FOXO3: variants seen among roughly 807,000 people sequenced by gnomAD.
The protein encoded by FOXO3 is forkhead box O3.
FOXO3 carries 4 observed loss-of-function variants against 41.9 expected under a neutral mutation model. That is an observed-to-expected ratio of 0.10 (90% CI 0.05 to 0.22). The LOEUF (loss-of-function observed/expected upper bound fraction) is 0.22, where lower values mean the gene tolerates loss of function less well. Ranked by LOEUF, FOXO3 falls within the 10% of genes least tolerant of loss-of-function variation. FOXO3 has a pLI of 1.00. For synonymous variants in FOXO3, 318 were observed against 389.3 expected, an observed-to-expected ratio of 0.82 and a Z score of 2.16; for missense variants, 534 against 906.8, an observed-to-expected ratio of 0.59 and a Z score of 5.28.
At chr6:108,580,315 A>G (rs997379769) in intron 1 of FOXO3, among the ~76,000 whole-genome samples, 1 of 150,662 alleles carries the variant, frequency 6.6e-6, no homozygotes, top group Non-Finnish European at 1.5e-5. Flanking sequence ...CAGGCTCCCA[A>G]GTAGCTGGGA....
intron 1 of FOXO3, among the ~76,000 whole-genome samples, chr6:108,594,134 C>A (rs1776809204): frequency 1.3e-5 from 2 of 152,244 alleles, no homozygotes; most frequent in Admixed American, 1.3e-4. Flanking sequence ...TGCTGATATT[C>A]TTTTTCCTGT....
intron 1 of FOXO3, among the ~76,000 whole-genome samples, chr6:108,584,083 T>C (rs1341299496): frequency 2.6e-5 from 4 of 152,196 alleles, no homozygotes; most frequent in Admixed American, 2.0e-4. Flanking sequence ...GTCACAGCCA[T>C]GGTTATTCAT....
intron 1 of FOXO3, among the ~76,000 whole-genome samples, chr6:108,599,673 T>C (rs1776988978): frequency 6.6e-6 from 1 of 152,156 alleles, no homozygotes; most frequent in Admixed American, 6.5e-5. Flanking sequence ...TAAGAAAAAA[T>C]CTTAGTTATT....
chr6:108,590,166 T>C (rs1341207817), intron 1 of FOXO3, among the ~76,000 whole-genome samples: 1 of 151,898 alleles, frequency 6.6e-6, no homozygotes, highest in Non-Finnish European at 1.5e-5. Flanking sequence ...GGCTTTACTC[T>C]GTCATGCAGG....
chr6:108,633,370 G>C (rs1469864373), intron 1 of FOXO3, among the ~76,000 whole-genome samples: 3 of 151,862 alleles, frequency 2.0e-5, no homozygotes, highest in Non-Finnish European at 4.4e-5. Flanking sequence ...AAATAGAAGA[G>C]AAGGATTTGT....
intron 1 of FOXO3, among the ~76,000 whole-genome samples, chr6:108,619,008 A>G (rs1332327284): frequency 6.6e-6 from 1 of 152,086 alleles, no homozygotes; most frequent in Non-Finnish European, 1.5e-5. Flanking sequence ...GGCTTGTCTC[A>G]TATGTTTCAC....
chr6:108,674,524 A>T (rs2128391540), intron 2 of FOXO3, among the ~76,000 whole-genome samples: 1 of 152,348 alleles, frequency 6.6e-6, no homozygotes, highest in South Asian at 2.1e-4. Flanking sequence ...AGGAGCTCAA[A>T]GTCCCTGAAA....
intron 1 of FOXO3, among the ~76,000 whole-genome samples, chr6:108,662,297 G>A (rs935060827): frequency 2.0e-5 from 3 of 152,154 alleles, no homozygotes; most frequent in Non-Finnish European, 4.4e-5. Context: ...CATATTATCA[G>A]CTCATCTTAT....
intron 1 of FOXO3, among the ~76,000 whole-genome samples, chr6:108,600,969 C>T (rs1438112093): frequency 6.6e-6 from 1 of 152,118 alleles, no homozygotes; most frequent in Non-Finnish European, 1.5e-5. Context: ...TTGATACTGT[C>T]AAGATACAGA....
At position 108,606,085 on chromosome 6, in the gene FOXO3, A is replaced by G. The variant is rs562735371; in HGVS notation, c.621+44256A>G. Among the ~76,000 whole-genome samples the G allele has an allele frequency of 2.0e-5, 3 of 152,346 alleles. No individual in the cohort carries two copies. The East Asian group carries it at 5.8e-4, about 29-fold the overall frequency. ...AGAAACTTTGGTGCGAAACAGAACA[A>G]TTATAATTTAAAAGAGGTGGGGCAG... On this transcript the variant is annotated intron_variant, in intron 1 of 2. Transcript: ENST00000406360.
At chr6:108,634,777 T>A (rs1425892105) in intron 1 of FOXO3, among the ~76,000 whole-genome samples, 1 of 152,176 alleles carries the variant, frequency 6.6e-6, no homozygotes, top group Non-Finnish European at 1.5e-5. Context: ...ATAACAGTCT[T>A]TCTACTTCTG....
chr6:108,621,866 C>T (rs987350933), intron 1 of FOXO3, among the ~76,000 whole-genome samples: 2 of 152,070 alleles, frequency 1.3e-5, no homozygotes, highest in Non-Finnish European at 2.9e-5. Context: ...CCTTGGGTCT[C>T]GTGCAGACAT....
At chr6:108,669,127 AT>A (rs1365137968) in intron 2 of FOXO3, among the ~76,000 whole-genome samples, 11 of 152,202 alleles carry the variant, frequency 7.2e-5, no homozygotes, top group African/African-American at 1.9e-4. Flanking sequence ...AATAAAAAAA[AT>A]AAAAACTAAA....
At chr6:108,625,421 G>A (rs1260243586) in intron 1 of FOXO3, among the ~76,000 whole-genome samples, 2 of 152,110 alleles carry the variant, frequency 1.3e-5, no homozygotes, top group Non-Finnish European at 2.9e-5. Flanking sequence ...TTGAAAACTA[G>A]TGCAAATTCT....
intron 1 of FOXO3, among the ~76,000 whole-genome samples, chr6:108,585,575 T>C (rs1047990882): frequency 6.6e-6 from 1 of 152,208 alleles, no homozygotes; most frequent in African/African-American, 2.4e-5. Flanking sequence ...GAAGGCCCTC[T>C]GCCCTCTTAC....
At chr6:108,596,339 C>G (rs557123032) in intron 1 of FOXO3, among the ~76,000 whole-genome samples, 210 of 146,010 alleles carry the variant, frequency 1.4e-3, no homozygotes, top group African/African-American at 5.2e-3. Flanking sequence ...GGCTTATGGA[C>G]CCACTAAGTC....
intron 1 of FOXO3, among the ~76,000 whole-genome samples, chr6:108,631,918 C>A (rs1181034924): frequency 6.6e-6 from 1 of 152,136 alleles, no homozygotes; most frequent in Non-Finnish European, 1.5e-5. Context: ...CCCCCTTTTT[C>A]CATGCCAATG....
intron 1 of FOXO3, among the ~76,000 whole-genome samples, chr6:108,568,599 T>C (rs749197928): frequency 3.0e-4 from 45 of 152,306 alleles, no homozygotes; most frequent in Non-Finnish European, 5.7e-4. Context: ...TTTCTAATAT[T>C]TGGAGCTGCT....
chr6:108,571,554 T>C (rs539913429), intron 1 of FOXO3, among the ~76,000 whole-genome samples: 2 of 152,110 alleles, frequency 1.3e-5, no homozygotes, highest in East Asian at 1.9e-4. Flanking sequence ...GAGGAGAAAA[T>C]ACATAGAGAC....
Sources: gnomAD v4.1 joint callset for allele counts (sites outside exome capture counted in the v4.1 genomes callset) on GRCh38, gnomAD v4.1.1 for gene constraint, MANE v1.5 for transcripts, NCBI Gene and HGNC (gene_info 2026-07-23, HGNC 2026-07-21) for gene names.